The following AHCYL2 variants were observed in gnomAD, a reference collection of about 807,000 sequenced individuals.
AHCYL2 encodes S-adenosylhomocysteine hydrolase-like protein 2.
In AHCYL2, 28 loss-of-function variants were observed where a neutral mutation model predicts 81.4. The observed-to-expected ratio is 0.34, with a 90% CI of 0.25 to 0.47. The LOEUF is 0.47. Among genes scored for constraint, AHCYL2 ranks in the 20% least tolerant of loss-of-function variants. The pLI, the probability that AHCYL2 is intolerant of heterozygous loss-of-function variation, is 1.00. For synonymous variants in AHCYL2, 272 were observed against 290.2 expected (o/e 0.94, Z 0.64); for missense variants, 551 against 785.1 (o/e 0.70, Z 3.56).
intron 5 of AHCYL2, 148 bp downstream of exon 5, chr7:129,397,472 T>C (rs891414355): frequency 4.2e-5 from 35 of 833,670 alleles, no homozygotes; most frequent in Non-Finnish European, 5.9e-5. Context: ...TTGCTCTTTT[T>C]CTGGCCTTCG....
In AHCYL2 at chr7:129,225,160, G is replaced by C. The variant is rs182913844; in HGVS notation, c.84G>C (p.Glu28Asp). The C allele has an allele frequency of 1.3e-6, 2 of 1,598,000 alleles. No individual in the cohort carries two copies. Among genetic ancestry groups the C allele is most frequent in the Non-Finnish European group, 1.7e-6 (2 of 1,174,574 alleles). The change falls in exon 1 of 17, where the codon GAG becomes GAC. Residue 28 changes from glutamate (E) to aspartate (D), a missense_variant. By Grantham distance (45) the Glu-to-Asp change is conservative. Transcript: ENST00000325006. The part of the protein sequence containing the change: ...ELKDLSPSEA[E>D]SQLGLSTAAV... ...AGGACCTGAGCCCCTCCGAGGCGGAGTCGCAACTAGGACTGAGCACGGCCG... is the reference window on the plus strand; with the variant it reads ...AGGACCTGAGCCCCTCCGAGGCGGACTCGCAACTAGGACTGAGCACGGCCG...
intron 1 of AHCYL2, among the ~76,000 whole-genome samples, chr7:129,252,801 A>G (rs1260332732): frequency 6.6e-6 from 1 of 151,920 alleles, no homozygotes; most frequent in Non-Finnish European, 1.5e-5. Flanking sequence ...AGGTAGGTAG[A>G]TAGATGATTG....
intron 1 of AHCYL2, among the ~76,000 whole-genome samples, chr7:129,347,352 T>G (rs1335228953): frequency 1.3e-5 from 2 of 152,128 alleles, no homozygotes; most frequent in Non-Finnish European, 2.9e-5. Flanking sequence ...CTGGTGCAGG[T>G]TGTTGACAGT....
At chr7:129,384,212 T>TTATCATATAACATATATATGATAATATA (rs1795097483) in intron 2 of AHCYL2, among the ~76,000 whole-genome samples, 2 of 150,426 alleles carry the variant, frequency 1.3e-5, no homozygotes, top group Non-Finnish European at 3.0e-5. Flanking sequence ...TTCATAGCAC[T>TTATCATATAACATATATATGATAATATA]TATCATATAA....
In AHCYL2 at chr7:129,419,745, AC is replaced by A. The variant is rs1294914727; in HGVS notation, c.1462-3094del. On this transcript the variant is annotated intron_variant, in intron 12 of 16. Coordinates refer to ENST00000325006, the MANE Select transcript of AHCYL2 (RefSeq NM_015328.4). This position sits in a 1 kb window ranked among gnomAD's most constrained non-coding sequence, Gnocchi z 4.7. Reference sequence around the variant, plus strand: ...AGTTGTTCTCCCTGAAAAAAAAAAAACAAAAAAAAACCGGATATGCACTGTT... The same window carrying A: ...AGTTGTTCTCCCTGAAAAAAAAAAAAAAAAAAAAACCGGATATGCACTGTT... Among the ~76,000 whole-genome samples the A allele has an allele frequency of 6.6e-6, 1 of 151,960 alleles. No homozygotes were observed. The highest frequency in any genetic ancestry group is 1.5e-5 in the Non-Finnish European group (1 of 67,990).
chr7:129,412,341 C>G (rs1009486061), intron 11 of AHCYL2, among the ~76,000 whole-genome samples: 1 of 148,910 alleles, frequency 6.7e-6, no homozygotes, highest in African/African-American at 2.5e-5. Context: ...AGTGCAGTGG[C>G]GCGATACTGG....
chr7:129,289,746 T>C (rs1328972597), intron 1 of AHCYL2, among the ~76,000 whole-genome samples: 1 of 152,146 alleles, frequency 6.6e-6, no homozygotes, highest in African/African-American at 2.4e-5. Flanking sequence ...ATTGCATTTT[T>C]TTCCTTTTCT....
chr7:129,362,597 GTTTTTTTTTTT>G (rs769346623), intron 1 of AHCYL2, among the ~76,000 whole-genome samples: 38 of 63,648 alleles, frequency 6.0e-4, no homozygotes, highest in South Asian at 1.6e-3. Flanking sequence ...TGGTTTTCTT[GTTTTTTTTTTT>G]TTTTTTTTTT....
chr7:129,238,170 G>A (rs577263396), intron 1 of AHCYL2, among the ~76,000 whole-genome samples: 10 of 152,130 alleles, frequency 6.6e-5, no homozygotes, highest in Non-Finnish European at 1.5e-4. Context: ...TCTTTTCCTG[G>A]AAGGCAAATA....
chr7:129,276,313 G>A (rs1245502052), intron 1 of AHCYL2, among the ~76,000 whole-genome samples: 3 of 151,714 alleles, frequency 2.0e-5, no homozygotes, highest in African/African-American at 7.3e-5. Flanking sequence ...GAAATTTACA[G>A]CCTTACATGC....
chr7:129,270,444 C>T (rs184288759), intron 1 of AHCYL2, among the ~76,000 whole-genome samples: 4 of 152,290 alleles, frequency 2.6e-5, no homozygotes, highest in Admixed American at 2.6e-4. Flanking sequence ...CTTCCTGTGA[C>T]TTCCCCCTCC....
chr7:129,253,501 C>G (rs1040310362), intron 1 of AHCYL2, among the ~76,000 whole-genome samples: 1 of 152,198 alleles, frequency 6.6e-6, no homozygotes, highest in Non-Finnish European at 1.5e-5. Flanking sequence ...TAGTGCTTGT[C>G]CAAGGCTTCA....
intron 1 of AHCYL2, among the ~76,000 whole-genome samples, chr7:129,265,109 G>A (rs141874037): frequency 1.3e-5 from 2 of 152,310 alleles, no homozygotes; most frequent in African/African-American, 4.8e-5. Flanking sequence ...ACATTTACAA[G>A]ATTGGTGTGA....
chr7:129,225,460 C>G (rs759331688), intron 1 of AHCYL2, 21 bp downstream of exon 1: 74 of 1,490,062 alleles, frequency 5.0e-5, no homozygotes, highest in Non-Finnish European at 6.2e-5. Flanking sequence ...CGGGCTGCCT[C>G]TCTAGGAGAG....
At chr7:129,313,960 C>T (rs573319026) in intron 1 of AHCYL2, among the ~76,000 whole-genome samples, 15 of 152,194 alleles carry the variant, frequency 9.9e-5, no homozygotes, top group African/African-American at 3.6e-4. Context: ...TTTATAGGTA[C>T]TGACAAGGTT....
In AHCYL2 at chr7:129,406,550, A is replaced by T. The variant is rs141118965; in HGVS notation, c.1295+84A>T. 3.7e-5 allele frequency: 48 copies of T among 1,310,238 alleles called. No homozygotes were observed. In the African/African-American group the frequency reaches 6.8e-4, roughly 19 times the overall value. 81.2% of individuals were successfully genotyped at this position (1,310,238 alleles called of 1,614,324 possible). A position where few individuals can be genotyped will look rare whatever the true frequency, so the allele number is the denominator to read the frequency against. On this transcript the variant is annotated intron_variant, in intron 10 of 16. Coordinates refer to ENST00000325006, the MANE Select transcript of AHCYL2 (RefSeq NM_015328.4). The surrounding 1 kb of genome is among the most constrained non-coding windows in gnomAD (Gnocchi z 4.3). ...TGGTTGATGCCACACTTTATTTTAG[A>T]GGAGCCCAGATCCTCAGAGATGCTG...
intron 1 of AHCYL2, among the ~76,000 whole-genome samples, chr7:129,322,109 T>A (rs1222164516): frequency 6.9e-6 from 1 of 145,112 alleles, no homozygotes; most frequent in Non-Finnish European, 1.5e-5. Context: ...GGGCCAGGTT[T>A]TGTGTGTGTG....
chr7:129,319,607 G>A (rs576849629), intron 1 of AHCYL2, among the ~76,000 whole-genome samples: 69 of 152,244 alleles, frequency 4.5e-4, no homozygotes, highest in African/African-American at 1.6e-3. Flanking sequence ...GGAAGCAGAC[G>A]CATGTTGGCA....
In AHCYL2 at chr7:129,406,350, TA is replaced by T. The variant is rs751933076; in HGVS notation, c.1207-26del. On this transcript the variant is annotated intron_variant, in intron 9 of 16. Coordinates refer to ENST00000325006, the MANE Select transcript of AHCYL2 (RefSeq NM_015328.4). This position sits in a 1 kb window ranked among gnomAD's most constrained non-coding sequence, Gnocchi z 4.3. ...AAATGGTTTTCTCAGTGACTTTCCTTAATATGTGTGCTCTCTCCCCTCTTCA... is the reference window on the plus strand; with the variant it reads ...AAATGGTTTTCTCAGTGACTTTCCTTATATGTGTGCTCTCTCCCCTCTTCA... The T allele has an allele frequency of 3.7e-6, 6 of 1,604,188 alleles. No individual in the cohort carries two copies. The South Asian group carries it at 6.6e-5, about 18-fold the overall frequency.
Sources: allele counts gnomAD v4.1 joint callset (sites outside exome capture counted in the v4.1 genomes callset), GRCh38; gene constraint gnomAD v4.1.1; non-coding constraint Gnocchi (gnomAD v3.1); transcripts MANE v1.5; gene names NCBI Gene and HGNC (gene_info 2026-07-23, HGNC 2026-07-21).